Variants in LAMC1 observed in about 807,000 individuals in gnomAD.
The protein encoded by LAMC1 is laminin subunit gamma 1, also known as laminin subunit gamma-1.
LAMC1 carries 38 observed loss-of-function variants against 173.6 expected under a neutral mutation model. That is an observed-to-expected ratio of 0.22 (90% confidence interval 0.17 to 0.29). LAMC1 has a LOEUF of 0.29. LAMC1 is among the 10% of genes least tolerant of loss of function. The probability of loss-of-function intolerance (pLI) is 1.00; values close to 1 mark genes in which losing one functional copy is unlikely to be tolerated. For synonymous variants in LAMC1, 746 were observed against 749.1 expected, an observed-to-expected ratio of 1.00 and a Z score of 0.07; for missense variants, 1,824 against 2,051.8, an observed-to-expected ratio of 0.89 and a Z score of 2.14.
intron 1 of LAMC1, among the ~76,000 whole-genome samples, chr1:183,081,428 T>C (rs1294920628): frequency 6.6e-6 from 1 of 151,520 alleles, no homozygotes; most frequent in Admixed American, 6.6e-5. Flanking sequence ...TGAAACCCCA[T>C]CTCTACTGAA....
At chr1:183,081,304 G>A (rs1379863300) in intron 1 of LAMC1, among the ~76,000 whole-genome samples, 1 of 152,010 alleles carries the variant, frequency 6.6e-6, no homozygotes, top group East Asian at 1.9e-4. Flanking sequence ...TTTAAAAAAT[G>A]AATAACTTTA....
chr1:183,049,231 A>G (rs565033395), intron 1 of LAMC1, among the ~76,000 whole-genome samples: 5 of 152,338 alleles, frequency 3.3e-5, no homozygotes, highest in African/African-American at 4.8e-5. Context: ...AATGCCATCT[A>G]TAGCATCCCC....
intron 17 of LAMC1, among the ~76,000 whole-genome samples, chr1:183,128,138 G>A (rs1656669955): frequency 6.6e-6 from 1 of 152,160 alleles, no homozygotes; most frequent in African/African-American, 2.4e-5. Context: ...TCCTCAGAGA[G>A]AATAGAGGTA....
chr1:183,085,055 A>G (rs12074884), intron 1 of LAMC1, among the ~76,000 whole-genome samples: 3,404 of 152,126 alleles, frequency 0.022, 124 homozygotes, highest in African/African-American at 0.077. Context: ...CATCTCTACT[A>G]AAACTACAAA....
chr1:183,099,429 T>C (rs1655778082), intron 1 of LAMC1, among the ~76,000 whole-genome samples: 1 of 152,200 alleles, frequency 6.6e-6, no homozygotes, highest in Non-Finnish European at 1.5e-5. Flanking sequence ...TCCCTGGCAC[T>C]GCTTTTGGTG....
intron 1 of LAMC1, among the ~76,000 whole-genome samples, chr1:183,080,220 G>A (rs1021296723): frequency 6.6e-6 from 1 of 152,090 alleles, no homozygotes; most frequent in Non-Finnish European, 1.5e-5. Flanking sequence ...CTTTAGCCTG[G>A]GTAACACAGA....
At chr1:183,047,839 A>G (rs1177162226) in intron 1 of LAMC1, among the ~76,000 whole-genome samples, 1 of 152,186 alleles carries the variant, frequency 6.6e-6, no homozygotes, top group Non-Finnish European at 1.5e-5. Flanking sequence ...TAAATACCTG[A>G]GCCTAGAACA....
chr1:183,116,526 G>C, intron 6 of LAMC1, 51 bp from the exon 7 acceptor site: 1 of 1,253,176 alleles, frequency 8.0e-7, no homozygotes, highest in Non-Finnish European at 1.1e-6. Flanking sequence ...GACTTGAAGA[G>C]TGGAAGTTTT....
intron 1 of LAMC1, among the ~76,000 whole-genome samples, chr1:183,067,698 G>A (rs190781276): frequency 6.6e-6 from 1 of 151,934 alleles, no homozygotes; most frequent in African/African-American, 2.4e-5. Context: ...TACTGTATTG[G>A]CCAGGCTGGT....
intron 1 of LAMC1, among the ~76,000 whole-genome samples, chr1:183,073,723 C>T (rs573997863): frequency 6.6e-6 from 1 of 152,288 alleles, no homozygotes; most frequent in Admixed American, 6.5e-5. Context: ...TTTTAAAATA[C>T]AGTGTCCAGC....
Position 183,136,793 on chromosome 1 carries a change from T to C in LAMC1, c.4314+208T>C, listed in dbSNP as rs142783817. 4.3e-3 allele frequency among the ~76,000 whole-genome samples: 659 copies of C among 152,168 alleles called. 5 individuals are homozygous for C. Among genetic ancestry groups the C allele is most frequent in the African/African-American group, 0.014 (591 of 41,502 alleles). On this transcript the variant is annotated intron_variant, in intron 25 of 27. Coordinates refer to ENST00000258341, the MANE Select transcript of LAMC1 (RefSeq NM_002293.4). ...GGAGGGGAACTCAGTAAAAGGGTGC[T>C]TTACTCTAAAATTTCTACTATGTCT...
At chr1:183,101,413 G>A (rs1303257562) in intron 1 of LAMC1, among the ~76,000 whole-genome samples, 2 of 150,814 alleles carry the variant, frequency 1.3e-5, no homozygotes, top group Non-Finnish European at 2.9e-5. Flanking sequence ...AACTGTATTT[G>A]TGTGACTTGT....
intron 1 of LAMC1, among the ~76,000 whole-genome samples, chr1:183,026,657 A>G (rs889295092): frequency 3.3e-5 from 5 of 152,204 alleles, no homozygotes; most frequent in African/African-American, 1.2e-4. Flanking sequence ...AGTGATGCAT[A>G]TTGTGCTTTG....
intron 27 of LAMC1, 128 bp from the exon 28 acceptor site, chr1:183,142,406 A>G (rs1657138964): frequency 3.0e-5 from 27 of 914,292 alleles, no homozygotes; most frequent in Non-Finnish European, 4.1e-5. Context: ...ACAATCTGCA[A>G]GTCACATTTG....
At chr1:183,052,255 C>G (rs181703612) in intron 1 of LAMC1, among the ~76,000 whole-genome samples, 1 of 152,276 alleles carries the variant, frequency 6.6e-6, no homozygotes, top group Admixed American at 6.5e-5. Flanking sequence ...ACTTTCCATT[C>G]CTCTTCCCAT....
chr1:183,049,564 A>G (rs371462994), intron 1 of LAMC1, among the ~76,000 whole-genome samples: 4 of 152,048 alleles, frequency 2.6e-5, no homozygotes, highest in South Asian at 4.2e-4. Context: ...CCCGGGTTCA[A>G]GCAATTCTCC....
intron 27 of LAMC1, 136 bp from the exon 28 acceptor site, chr1:183,142,397 CA>C (rs1657138715): frequency 2.4e-6 from 2 of 847,768 alleles, no homozygotes; most frequent in Non-Finnish European, 3.6e-6. Context: ...GTGACATCAA[CA>C]ATCTGCAAGT....
chr1:183,089,211 T>G (rs1014737975), intron 1 of LAMC1, among the ~76,000 whole-genome samples: 1 of 152,182 alleles, frequency 6.6e-6, no homozygotes, highest in South Asian at 2.1e-4. Context: ...ACAAGTCCCA[T>G]TGTGGGTGCA....
intron 26 of LAMC1, 65 bp downstream of exon 26, chr1:183,137,892 C>T (rs1276808338): frequency 5.2e-6 from 7 of 1,339,750 alleles, no homozygotes; most frequent in Non-Finnish European, 6.0e-6. Flanking sequence ...TAAAGATCCC[C>T]CACTTGTTGA....
Sources: allele counts gnomAD v4.1 joint callset (sites outside exome capture counted in the v4.1 genomes callset), GRCh38; gene constraint gnomAD v4.1.1; transcripts MANE v1.5; gene names NCBI Gene and HGNC (gene_info 2026-07-23, HGNC 2026-07-21).